TXNL1: variants seen among roughly 807,000 people sequenced by gnomAD.
TXNL1 encodes the protein thioredoxin-like protein 1.
TXNL1 carries 14 observed loss-of-function variants against 35.5 expected under a neutral mutation model. That is an observed-to-expected ratio of 0.39 (90% CI 0.26 to 0.62). TXNL1 has a LOEUF of 0.62. Among genes scored for constraint, TXNL1 ranks in the 20% least tolerant of loss-of-function variants. The pLI is 0.47. For synonymous variants in TXNL1, 110 were observed against 115.5 expected (o/e 0.95, Z 0.31); for missense variants, 263 against 349.7 (o/e 0.75, Z 1.98).
At chr18:56,617,634 C>T (rs1294875102) in intron 4 of TXNL1, among the ~76,000 whole-genome samples, 2 of 152,130 alleles carry the variant, frequency 1.3e-5, no homozygotes, top group Non-Finnish European at 2.9e-5. Context: ...AGGAATTAGC[C>T]ACACAGGGAG....
chr18:56,612,521 GCTGT>G (rs931061738), intron 6 of TXNL1, among the ~76,000 whole-genome samples: 3 of 152,010 alleles, frequency 2.0e-5, no homozygotes, highest in Non-Finnish European at 4.4e-5. Flanking sequence ...TATTCTAGGT[GCTGT>G]CTACTTTAAA....
At position 56,616,238 on chromosome 18, in the gene TXNL1, T is replaced by A; in HGVS notation, c.562+7A>T. On this transcript the variant is annotated splice_region_variant and intron_variant, in intron 5 of 7. Transcript: ENST00000217515. The stretch of plus-strand genomic sequence containing the variant: ...GTTAGTTTAAAGAAAAGCTATCCTT[T>A]ACTCACCATTATCTGGCCCTTGAAA... 6.2e-7 allele frequency: 1 copy of A among 1,612,578 alleles called. No individual in the cohort carries two copies. Among genetic ancestry groups the A allele is most frequent in the African/African-American group, 1.3e-5 (1 of 74,986 alleles).
chr18:56,607,444 AC>A (rs35311040), intron 7 of TXNL1, among the ~76,000 whole-genome samples: 1 of 151,974 alleles, frequency 6.6e-6, no homozygotes, highest in Non-Finnish European at 1.5e-5. Flanking sequence ...GGCATGAGCC[AC>A]CATGCTCTGG....
At chr18:56,634,435 T>G (rs1267411908) in intron 1 of TXNL1, among the ~76,000 whole-genome samples, 1 of 152,206 alleles carries the variant, frequency 6.6e-6, no homozygotes, top group Non-Finnish European at 1.5e-5. Flanking sequence ...AGGGTTATTC[T>G]GAGGAATGAA....
intron 7 of TXNL1, among the ~76,000 whole-genome samples, chr18:56,603,406 C>A (rs2023839571): frequency 6.6e-6 from 1 of 151,282 alleles, no homozygotes; most frequent in Non-Finnish European, 1.5e-5. Flanking sequence ...AGTTAGAAAT[C>A]AAATGTCGAT....
intron 4 of TXNL1, among the ~76,000 whole-genome samples, chr18:56,616,719 T>C (rs2024093540): frequency 6.6e-6 from 1 of 152,214 alleles, no homozygotes; most frequent in South Asian, 2.1e-4. Flanking sequence ...CTTGACGATT[T>C]AGAGGCAATA....
chr18:56,611,297 C>T (rs1398121182), intron 6 of TXNL1, among the ~76,000 whole-genome samples, 200 bp from the exon 7 acceptor site: 9 of 151,828 alleles, frequency 5.9e-5, no homozygotes, highest in Admixed American at 3.9e-4. Context: ...GTCAGGAGTT[C>T]GAGACCAGCC....
At chr18:56,627,595 C>T (rs1016571409) in intron 1 of TXNL1, among the ~76,000 whole-genome samples, 1 of 152,142 alleles carries the variant, frequency 6.6e-6, no homozygotes, top group Non-Finnish European at 1.5e-5. Flanking sequence ...ATCTCACATA[C>T]AGTACTCTGA....
intron 7 of TXNL1, chr18:56,604,556 C>CT (rs2023858308): frequency 6.6e-6 from 1 of 152,106 alleles, no homozygotes; most frequent in African/African-American, 2.4e-5. Context: ...ATTCTTAAGT[C>CT]TTTATATTAC....
intron 1 of TXNL1, among the ~76,000 whole-genome samples, chr18:56,637,657 G>A: frequency 6.6e-6 from 1 of 152,294 alleles, no homozygotes; most frequent in East Asian, 1.9e-4. Context: ...GTCAAACTAA[G>A]ACATCCGGCC....
chr18:56,617,639 A>G (rs1367426329), intron 4 of TXNL1, among the ~76,000 whole-genome samples: 1 of 152,236 alleles, frequency 6.6e-6, no homozygotes, highest in Non-Finnish European at 1.5e-5. Flanking sequence ...TTAGCCACAC[A>G]GGGAGTGCTC....
In TXNL1 at chr18:56,614,433, G is replaced by C; in HGVS notation, c.726C>G (p.Asn242Lys). 1 of 1,613,258 alleles carries C rather than the reference G, an allele frequency of 6.2e-7. No individual in the cohort carries two copies. Among genetic ancestry groups the C allele is most frequent in the Non-Finnish European group, 8.5e-7 (1 of 1,179,678 alleles). The stretch of plus-strand genomic sequence containing the variant: ...ACGAAATACTACTTACAGTTACACT[G>C]TTAACATTCTGAAACTTAACATAAC... ...PLRYVKFQNV[N>K]SVTIFVQSNQ... The change falls in exon 6 of 8, where the codon AAC (asparagine) becomes AAG (lysine). Residue 242 changes from asparagine to lysine, a missense_variant. Coordinates refer to ENST00000217515, the MANE Select transcript of TXNL1 (RefSeq NM_004786.3).
chr18:56,614,362 T>C (rs1220530630), intron 6 of TXNL1, 62 bp downstream of exon 6: 6 of 1,437,302 alleles, frequency 4.2e-6, no homozygotes, highest in South Asian at 1.3e-5. Context: ...TTACCTAGGA[T>C]ACTGAAAATA....
chr18:56,609,796 C>A (rs1159018915), intron 7 of TXNL1: 1 of 152,146 alleles, frequency 6.6e-6, no homozygotes, highest in Non-Finnish European at 1.5e-5. Context: ...TCTGACCTGT[C>A]ATAATACATA....
At position 56,602,355 on chromosome 18, in the gene TXNL1, T is replaced by C. The variant is rs1335794295; in HGVS notation, c.*672A>G. On this transcript the variant is annotated 3_prime_UTR_variant, in exon 8 of 8. Coordinates refer to ENST00000217515, the MANE Select transcript of TXNL1 (RefSeq NM_004786.3). ...CACTATGCTGTATTTTTTCCCCAAC[T>C]GTCTGATTTCCACATTCTTCTATTA... is the stretch of plus-strand genomic sequence containing the variant. The C allele has an allele frequency of 7.3e-6, 1 of 136,944 alleles. No individual in the cohort carries two copies. Among genetic ancestry groups the C allele is most frequent in the East Asian group, 2.2e-4 (1 of 4,592 alleles). 8.5% of individuals were successfully genotyped at this position (136,944 alleles called of 1,614,324 possible).
At chr18:56,618,406 A>C (rs934354809) in intron 3 of TXNL1, among the ~76,000 whole-genome samples, 9 of 152,216 alleles carry the variant, frequency 5.9e-5, no homozygotes, top group Non-Finnish European at 1.2e-4. Context: ...AGTGTTTTAC[A>C]GAAGAAAATA....
chr18:56,611,199 C>G, intron 6 of TXNL1, 102 bp from the exon 7 acceptor site: 2 of 829,786 alleles, frequency 2.4e-6, no homozygotes, highest in South Asian at 1.6e-5. Flanking sequence ...ATTCTCCATT[C>G]TTTGTAAAAA....
At chr18:56,612,217 A>G (rs1000856464) in intron 6 of TXNL1, among the ~76,000 whole-genome samples, 3 of 151,832 alleles carry the variant, frequency 2.0e-5, no homozygotes, top group Admixed American at 2.0e-4. Flanking sequence ...TTACAATTAC[A>G]ATGGGACAGA....
chr18:56,607,415 C>T (rs767593240), intron 7 of TXNL1, among the ~76,000 whole-genome samples: 3 of 151,948 alleles, frequency 2.0e-5, no homozygotes, highest in African/African-American at 4.8e-5. Flanking sequence ...CCTTGGCCTC[C>T]GGAAGTGATG....
Sources: allele counts gnomAD v4.1 joint callset (sites outside exome capture counted in the v4.1 genomes callset), GRCh38; gene constraint gnomAD v4.1.1; transcripts MANE v1.5; gene names NCBI Gene and HGNC (gene_info 2026-07-23, HGNC 2026-07-21).